ROBO2: variants seen among roughly 807,000 people sequenced by gnomAD.
ROBO2 encodes the protein roundabout homolog 2.
A neutral mutation model predicts 160.8 loss-of-function variants in ROBO2; 53 were observed. That is an observed-to-expected ratio of 0.33 (90% CI 0.26 to 0.41). ROBO2 has a LOEUF of 0.41. Ranked by LOEUF, ROBO2 falls within the 10% of genes least tolerant of loss-of-function variation. The probability of loss-of-function intolerance (pLI) is 1.00; values close to 1 mark genes in which losing one functional copy is unlikely to be tolerated. For missense variants in ROBO2, 1,577 were observed against 1,722.4 expected, an observed-to-expected ratio of 0.92 and a Z score of 1.49; for synonymous variants, 664 against 611.7, an observed-to-expected ratio of 1.09 and a Z score of -1.26.
At chr3:77,029,058 A>G (rs1011493503) in intron 2 of ROBO2, among the ~76,000 whole-genome samples, 4 of 152,220 alleles carry the variant, frequency 2.6e-5, no homozygotes, top group African/African-American at 7.2e-5. Context: ...TGCTAGTGAT[A>G]CATTTCAATC....
intron 2 of ROBO2, among the ~76,000 whole-genome samples, chr3:76,674,629 C>CACACACAG (rs1491244055): frequency 2.0e-5 from 3 of 151,142 alleles, no homozygotes; most frequent in South Asian, 2.1e-4. Flanking sequence ...CACACACACA[C>CACACACAG]AGAAACCTGT....
intron 2 of ROBO2, among the ~76,000 whole-genome samples, chr3:76,071,060 C>T (rs980459605): frequency 7.2e-5 from 11 of 152,058 alleles, no homozygotes; most frequent in African/African-American, 2.7e-4. Flanking sequence ...TAAATTTGGT[C>T]ATAAGATTTG....
chr3:77,418,745 G>T (rs112099459), intron 2 of ROBO2, among the ~76,000 whole-genome samples: 1 of 152,092 alleles, frequency 6.6e-6, no homozygotes, highest in African/African-American at 2.4e-5. Flanking sequence ...TACAGTACAA[G>T]AGAGAATACA....
intron 5 of ROBO2, among the ~76,000 whole-genome samples, chr3:77,506,417 A>G (rs970305365): frequency 1.3e-5 from 2 of 152,064 alleles, no homozygotes; most frequent in African/African-American, 2.4e-5. Flanking sequence ...TGCCTTATTT[A>G]TGTTTAATCC....
At chr3:77,412,617 T>C (rs2076891863) in intron 2 of ROBO2, among the ~76,000 whole-genome samples, 2 of 152,174 alleles carry the variant, frequency 1.3e-5, no homozygotes, top group Admixed American at 1.3e-4. Context: ...ACCCAAGGCT[T>C]GGGCAATCTC....
At chr3:76,167,560 C>T (rs1008301253) in intron 2 of ROBO2, among the ~76,000 whole-genome samples, 2 of 152,110 alleles carry the variant, frequency 1.3e-5, no homozygotes, top group Non-Finnish European at 2.9e-5. Flanking sequence ...ACTTCTCTGC[C>T]CTTCCTCTAA....
chr3:76,021,243 A>G (rs1429491205), intron 2 of ROBO2, among the ~76,000 whole-genome samples: 1 of 151,788 alleles, frequency 6.6e-6, no homozygotes, highest in Non-Finnish European at 1.5e-5. Flanking sequence ...AAAAAATATG[A>G]TCATATTGCC....
intron 22 of ROBO2, among the ~76,000 whole-genome samples, chr3:77,619,654 C>T (rs539047833): frequency 2.0e-5 from 3 of 152,220 alleles, no homozygotes; most frequent in African/African-American, 7.2e-5. Flanking sequence ...TATGGCTGAC[C>T]TCAATTTCCA....
intron 2 of ROBO2, among the ~76,000 whole-genome samples, chr3:76,052,348 A>G (rs1279162276): frequency 1.3e-5 from 2 of 152,074 alleles, no homozygotes; most frequent in South Asian, 4.1e-4. Context: ...CACACAGATG[A>G]TTTCTGTTCT....
At chr3:76,453,530 G>A (rs997370850) in intron 2 of ROBO2, among the ~76,000 whole-genome samples, 6 of 152,076 alleles carry the variant, frequency 3.9e-5, no homozygotes, top group Non-Finnish European at 7.4e-5. Context: ...TGTTCCATTG[G>A]TCTATATCTC....
intron 2 of ROBO2, among the ~76,000 whole-genome samples, chr3:77,383,703 G>A (rs920888530): frequency 6.6e-6 from 1 of 151,990 alleles, no homozygotes; most frequent in African/African-American, 2.4e-5. Context: ...ACTTTGCCAT[G>A]GAGGAAAAGA....
intron 1 of ROBO2, among the ~76,000 whole-genome samples, chr3:77,091,071 AC>A (rs778847728): frequency 2.0e-5 from 3 of 152,216 alleles, no homozygotes; most frequent in Admixed American, 6.5e-5. Flanking sequence ...AAAATTTAGA[AC>A]AGCTTGAAAT....
chr3:76,632,953 G>T (rs1472405759), intron 2 of ROBO2, among the ~76,000 whole-genome samples: 1 of 152,034 alleles, frequency 6.6e-6, no homozygotes, highest in African/African-American at 2.4e-5. Flanking sequence ...TTTTTATTCT[G>T]CTTGCTGAAA....
intron 2 of ROBO2, among the ~76,000 whole-genome samples, chr3:76,572,475 A>G (rs763317172): frequency 6.6e-6 from 1 of 152,140 alleles, no homozygotes; most frequent in Non-Finnish European, 1.5e-5. Context: ...GGAGGAAGCT[A>G]AGAATTGTAT....
rs546311770 is a variant in ROBO2 at position 76,129,293 on chromosome 3, C to T, written c.109+191691C>T. 5.9e-5 allele frequency among the ~76,000 whole-genome samples: 9 copies of T among 152,182 alleles called. No homozygotes were observed. In the South Asian group the frequency reaches 1.9e-3, roughly 32 times the overall value. On this transcript the variant is annotated intron_variant, in intron 2 of 26. Coordinates refer to the ROBO2 transcript ENST00000487694. ...GTACAGTAGTGAATGAGATGACGTGCACTCTAAGGATATTAAACTTTCATT... is the reference window on the plus strand; with the variant it reads ...GTACAGTAGTGAATGAGATGACGTGTACTCTAAGGATATTAAACTTTCATT...
At chr3:76,710,854 G>A (rs1266241149) in intron 2 of ROBO2, among the ~76,000 whole-genome samples, 2 of 152,164 alleles carry the variant, frequency 1.3e-5, no homozygotes, top group African/African-American at 4.8e-5. Flanking sequence ...CAGACAGGAT[G>A]ATGCGATAGA....
intron 2 of ROBO2, among the ~76,000 whole-genome samples, chr3:76,772,147 T>C (rs2061943834): frequency 6.6e-6 from 1 of 151,300 alleles, no homozygotes; most frequent in Non-Finnish European, 1.5e-5. Context: ...TGGGCTTTGT[T>C]TGTAAAATAG....
chr3:76,026,033 T>G (rs576466164), intron 2 of ROBO2, among the ~76,000 whole-genome samples: 10 of 152,080 alleles, frequency 6.6e-5, no homozygotes, highest in Middle Eastern at 3.4e-3. Flanking sequence ...TGCATATACT[T>G]GGCTGACAGA....
At chr3:76,756,576 G>A (rs1210925267) in intron 2 of ROBO2, among the ~76,000 whole-genome samples, 1 of 151,870 alleles carries the variant, frequency 6.6e-6, no homozygotes, top group Non-Finnish European at 1.5e-5. Context: ...AAAATATGCA[G>A]TAGACATAGT....
Sources: gnomAD v4.1 joint callset for allele counts (sites outside exome capture counted in the v4.1 genomes callset) on GRCh38, gnomAD v4.1.1 for gene constraint, MANE v1.5 for transcripts, NCBI Gene and HGNC (gene_info 2026-07-23, HGNC 2026-07-21) for gene names.